Variants in SLCO3A1 observed in about 807,000 individuals in gnomAD.
SLCO3A1 encodes the protein solute carrier organic anion transporter family member 3A1, also known as PGE1 transporter.
A neutral mutation model predicts 63.1 loss-of-function variants in SLCO3A1; 27 were observed. That is an observed-to-expected ratio of 0.43 (90% CI 0.32 to 0.59). The LOEUF (loss-of-function observed/expected upper bound fraction) is 0.59. Ranked by LOEUF, SLCO3A1 falls within the 20% of genes least tolerant of loss-of-function variation. The probability of loss-of-function intolerance (pLI) is 0.09; values close to 1 mark genes in which losing one functional copy is unlikely to be tolerated. For synonymous variants in SLCO3A1, 473 were observed against 409.9 expected, an observed-to-expected ratio of 1.15 and a Z score of -1.86; for missense variants, 773 against 945.8, an observed-to-expected ratio of 0.82 and a Z score of 2.40.
intron 2 of SLCO3A1, among the ~76,000 whole-genome samples, chr15:92,010,417 C>G (rs187070786): frequency 2.6e-5 from 4 of 152,314 alleles, no homozygotes; most frequent in Non-Finnish European, 5.9e-5. Context: ...CAGCGTTTCT[C>G]AGTTTCATTT....
rs1312987837 is a variant in SLCO3A1 at position 91,880,393 on chromosome 15, C to CTGTGTGTGTGTGTGTGTG, written c.180+26306_180+26307insGTGTGTGTGTGTGTGTGT. Reference sequence around the variant, plus strand: ...CCGGCACTCGTGCTTCTCTCTCTCTCTCTCTCTCTCTCTCTCTGTGTGTGT... The same window carrying CTGTGTGTGTGTGTGTGTG: ...CCGGCACTCGTGCTTCTCTCTCTCTCTGTGTGTGTGTGTGTGTGTCTCTCTCTCTCTCTCTGTGTGTGT... On this transcript the variant is annotated intron_variant, in intron 1 of 9. Coordinates refer to ENST00000318445, the MANE Select transcript of SLCO3A1 (RefSeq NM_013272.4). Among the ~76,000 whole-genome samples, 8 of 44,698 alleles carry CTGTGTGTGTGTGTGTGTG rather than the reference C, an allele frequency of 1.8e-4. No homozygotes were observed. The East Asian group carries it at 2.8e-3, about 15-fold the overall frequency. 29.3% of individuals were successfully genotyped at this position (44,698 alleles called of 152,430 possible).
intron 2 of SLCO3A1, among the ~76,000 whole-genome samples, chr15:92,034,500 T>C (rs2046698627): frequency 6.6e-6 from 1 of 151,346 alleles, no homozygotes; most frequent in African/African-American, 2.4e-5. Context: ...GCGAGATGGT[T>C]TGGGGCATGG....
chr15:92,082,775 T>C (rs2151525274), intron 2 of SLCO3A1, among the ~76,000 whole-genome samples: 1 of 152,352 alleles, frequency 6.6e-6, no homozygotes, highest in South Asian at 2.1e-4. Context: ...GATTCCAGCC[T>C]GGTAGGAATC....
chr15:91,982,474 C>T (rs1423258078), intron 2 of SLCO3A1, among the ~76,000 whole-genome samples: 1 of 152,236 alleles, frequency 6.6e-6, no homozygotes, highest in Non-Finnish European at 1.5e-5. Flanking sequence ...GTATTTTCAA[C>T]TCTTTTTCTT....
At chr15:92,167,525 G>A (rs1472114130), downstream of SLCO3A1, among the ~76,000 whole-genome samples, 1 of 152,088 alleles carries the variant, frequency 6.6e-6, no homozygotes, top group Non-Finnish European at 1.5e-5. Context: ...ATTCCAAACT[G>A]CTACTCTCAC....
At chr15:92,004,983 A>C (rs1322921703) in intron 2 of SLCO3A1, among the ~76,000 whole-genome samples, 4 of 152,202 alleles carry the variant, frequency 2.6e-5, no homozygotes, top group Admixed American at 6.5e-5. Flanking sequence ...AAGCCTCTGA[A>C]ACTCTCTTAT....
At chr15:91,929,291 A>C (rs918299656) in intron 2 of SLCO3A1, among the ~76,000 whole-genome samples, 2 of 152,166 alleles carry the variant, frequency 1.3e-5, no homozygotes, top group African/African-American at 2.4e-5. Context: ...CAAGTAGGTG[A>C]ACTCTCTTCC....
rs566328154 is a variant in SLCO3A1 at position 91,874,787 on chromosome 15, C to T, written c.180+20699C>T. ...GAAGGGGTTGGGTCAGTTGTCATTC[C>T]ACAGAACATCTTCTGTAATGTTTCG... On this transcript the variant is annotated intron_variant, in intron 1 of 9. Transcript: ENST00000318445. Among the ~76,000 whole-genome samples, 14 of 152,306 alleles carry T rather than the reference C, an allele frequency of 9.2e-5. No homozygotes were observed. In the South Asian group the frequency reaches 2.7e-3, roughly 29 times the overall value.
intron 2 of SLCO3A1, among the ~76,000 whole-genome samples, chr15:91,940,860 C>CT (rs962088793): frequency 1.3e-5 from 2 of 152,148 alleles, no homozygotes; most frequent in African/African-American, 4.8e-5. Flanking sequence ...AAGGTGTCTG[C>CT]CCCCTCCTAA....
At chr15:91,976,850 C>G (rs1597179549) in intron 2 of SLCO3A1, among the ~76,000 whole-genome samples, 1 of 152,036 alleles carries the variant, frequency 6.6e-6, no homozygotes, top group African/African-American at 2.4e-5. Context: ...AAGTACTTTA[C>G]AAGGTAATAG....
At chr15:92,086,761 A>C (rs2047409390) in intron 2 of SLCO3A1, among the ~76,000 whole-genome samples, 1 of 152,110 alleles carries the variant, frequency 6.6e-6, no homozygotes, top group Non-Finnish European at 1.5e-5. Flanking sequence ...GGATCACCTG[A>C]GGTCAAAAGT....
At chr15:91,944,441 C>G (rs1205883636) in intron 2 of SLCO3A1, among the ~76,000 whole-genome samples, 1 of 152,150 alleles carries the variant, frequency 6.6e-6, no homozygotes, top group Non-Finnish European at 1.5e-5. Flanking sequence ...GAACCCTCTT[C>G]TCAGTACCAG....
chr15:92,167,728 C>G (rs1398096416), downstream of SLCO3A1, among the ~76,000 whole-genome samples: 2 of 152,198 alleles, frequency 1.3e-5, no homozygotes, highest in African/African-American at 4.8e-5. Context: ...GGAATCCACC[C>G]TGAATGCATG....
At chr15:91,993,855 T>TG in intron 2 of SLCO3A1, among the ~76,000 whole-genome samples, 1 of 152,360 alleles carries the variant, frequency 6.6e-6, no homozygotes, top group South Asian at 2.1e-4. Flanking sequence ...GGAGGGAAGC[T>TG]GGTCACCATG....
At chr15:92,145,256 C>G (rs2151586591) in intron 7 of SLCO3A1, among the ~76,000 whole-genome samples, 1 of 152,196 alleles carries the variant, frequency 6.6e-6, no homozygotes. Flanking sequence ...AGGTGGTGAG[C>G]TAAATAGCTA....
chr15:92,034,775 A>G (rs2046702625), intron 2 of SLCO3A1, among the ~76,000 whole-genome samples: 1 of 151,980 alleles, frequency 6.6e-6, no homozygotes, highest in Non-Finnish European at 1.5e-5. Context: ...CAGTGGTGGC[A>G]TGTGGCTATG....
chr15:91,910,690 A>T (rs1052287190), intron 1 of SLCO3A1, among the ~76,000 whole-genome samples: 1 of 152,188 alleles, frequency 6.6e-6, no homozygotes, highest in Non-Finnish European at 1.5e-5. Flanking sequence ...ACTTACACTG[A>T]TAGGACCAGG....
chr15:91,909,620 C>T (rs1317859510), intron 1 of SLCO3A1, among the ~76,000 whole-genome samples: 1 of 152,170 alleles, frequency 6.6e-6, no homozygotes, highest in Non-Finnish European at 1.5e-5. Context: ...AGAGCCTGCT[C>T]AGTTCTGTCA....
At chr15:92,171,696 T>TA in intron 10 of SLCO3A1, 3 of 971,176 alleles carry the variant, frequency 3.1e-6, no homozygotes, top group Non-Finnish European at 4.8e-6. Context: ...ATCATGCTAT[T>TA]AAATAAGCCT....
Sources: gnomAD v4.1 joint callset for allele counts (sites outside exome capture counted in the v4.1 genomes callset) on GRCh38, gnomAD v4.1.1 for gene constraint, MANE v1.5 for transcripts, NCBI Gene and HGNC (gene_info 2026-07-23, HGNC 2026-07-21) for gene names.